Variants in FLRT2 observed in about 807,000 individuals in gnomAD.
FLRT2 encodes leucine-rich repeat transmembrane protein FLRT2.
In FLRT2, 15 loss-of-function variants were observed where a neutral mutation model predicts 40.0. The observed-to-expected ratio is 0.38, with a 90% CI of 0.25 to 0.58. The LOEUF is 0.58. FLRT2 is among the 20% of genes least tolerant of loss of function. FLRT2 has a pLI of 0.71. For synonymous variants in FLRT2, 380 were observed against 336.8 expected, an observed-to-expected ratio of 1.13 and a Z score of -1.41; for missense variants, 726 against 840.0, an observed-to-expected ratio of 0.86 and a Z score of 1.68.
chr14:85,562,390 C>T (rs919742722), intron 1 of FLRT2, among the ~76,000 whole-genome samples: 9 of 152,138 alleles, frequency 5.9e-5, no homozygotes, highest in East Asian at 1.9e-4. Context: ...CAAGAAGACC[C>T]GTGTTTCAAT....
At chr14:85,586,570 A>C (rs943820013) in intron 1 of FLRT2, among the ~76,000 whole-genome samples, 7 of 152,144 alleles carry the variant, frequency 4.6e-5, no homozygotes, top group Non-Finnish European at 1.0e-4. Context: ...GAATACTTAC[A>C]ATTGATGCTT....
At position 85,623,055 on chromosome 14, in the gene FLRT2, C is replaced by T; in HGVS notation, c.1541C>T (p.Thr514Ile). ...VEDTICSEAT[T>I]HASYLNNGSN... Reference sequence around the variant, plus strand: ...GACACCATTTGTTCAGAGGCCACCACCCATGCCTCCTATCTGAACAACGGC... The same window carrying T: ...GACACCATTTGTTCAGAGGCCACCATCCATGCCTCCTATCTGAACAACGGC... Residue 514 changes from threonine to isoleucine, a missense_variant, in exon 2 of 2, where the codon ACC becomes ATC. Transcript: ENST00000330753. The T allele has an allele frequency of 6.2e-7, 1 of 1,614,194 alleles. No individual in the cohort carries two copies. The highest frequency in any genetic ancestry group is 8.5e-7 in the Non-Finnish European group (1 of 1,180,042).
chr14:85,580,172 G>C (rs2139874059), intron 1 of FLRT2, among the ~76,000 whole-genome samples: 1 of 152,190 alleles, frequency 6.6e-6, no homozygotes, highest in African/African-American at 2.4e-5. Flanking sequence ...GGAATCAATA[G>C]AATGTCAAGA....
chr14:85,623,519 C>G lies in FLRT2; in HGVS notation c.*22C>G. The G allele has an allele frequency of 7.1e-7, 1 of 1,414,692 alleles. No homozygotes were observed. Among genetic ancestry groups the G allele is most frequent in the Non-Finnish European group, 9.2e-7 (1 of 1,081,464 alleles). 87.6% of individuals were successfully genotyped at this position (1,414,692 alleles called of 1,614,324 possible). A position where few individuals can be genotyped will look rare whatever the true frequency, so the allele number is the denominator to read the frequency against. ...GTGACAGCCAGAGGCCCAGCGTTATCAAGGCGGACAATTAGACTCTTGAGA... is the reference window on the plus strand; with the variant it reads ...GTGACAGCCAGAGGCCCAGCGTTATGAAGGCGGACAATTAGACTCTTGAGA... On this transcript the variant is annotated 3_prime_UTR_variant, in exon 2 of 2. Coordinates refer to ENST00000330753, the MANE Select transcript of FLRT2 (RefSeq NM_013231.6).
intron 1 of FLRT2, among the ~76,000 whole-genome samples, chr14:85,591,012 T>C (rs962126334): frequency 7.4e-6 from 1 of 135,820 alleles, no homozygotes; most frequent in Non-Finnish European, 1.6e-5. Context: ...CACTAAATCA[T>C]TTGTATTTCT....
intron 1 of FLRT2, among the ~76,000 whole-genome samples, chr14:85,561,574 C>T (rs945526826): frequency 2.6e-5 from 4 of 152,144 alleles, no homozygotes; most frequent in Admixed American, 6.5e-5. Flanking sequence ...CTAGAACACT[C>T]ACAGCACCCT....
chr14:85,601,638 A>G (rs754469728), intron 1 of FLRT2, among the ~76,000 whole-genome samples: 7 of 152,198 alleles, frequency 4.6e-5, no homozygotes, highest in Non-Finnish European at 1.0e-4. Flanking sequence ...AGCTTGAGCA[A>G]AGTCCTGCTA....
intron 1 of FLRT2, among the ~76,000 whole-genome samples, chr14:85,550,771 T>C (rs1183181594): frequency 6.6e-6 from 1 of 152,212 alleles, no homozygotes; most frequent in African/African-American, 2.4e-5. Flanking sequence ...TTAGAACTTA[T>C]ATTTGATTAT....
intron 1 of FLRT2, among the ~76,000 whole-genome samples, chr14:85,561,645 C>T (rs748281987): frequency 3.4e-4 from 52 of 152,166 alleles, no homozygotes; most frequent in Non-Finnish European, 6.2e-4. Flanking sequence ...ATTCTCCCTC[C>T]GTTATTACAG....
At chr14:85,614,267 T>C (rs1427391772) in intron 1 of FLRT2, among the ~76,000 whole-genome samples, 1 of 152,186 alleles carries the variant, frequency 6.6e-6, no homozygotes, top group African/African-American at 2.4e-5. Flanking sequence ...TCTACCTCTC[T>C]TAAACCAGTT....
At position 85,533,200 on chromosome 14, in the gene FLRT2, A is replaced by AGAGCGCGAGGGACGGAGGGAGAGGAG. The variant is rs1397283594; in HGVS notation, c.-377+2674_-377+2699dup. Among the ~76,000 whole-genome samples the AGAGCGCGAGGGACGGAGGGAGAGGAG allele has an allele frequency of 3.2e-4, 48 of 151,756 alleles. 1 individual carries two copies. Among genetic ancestry groups the AGAGCGCGAGGGACGGAGGGAGAGGAG allele is most frequent in the Admixed American group, 3.1e-3 (48 of 15,264 alleles). On this transcript the variant is annotated intron_variant, in intron 1 of 1. Coordinates refer to ENST00000330753, the MANE Select transcript of FLRT2 (RefSeq NM_013231.6). ...GAGGGCTCCAGGAGCGGAGCGCGCC[A>AGAGCGCGAGGGACGGAGGGAGAGGAG]GAGCGCGAGGGACGGAGGGAGAGGA... is the stretch of plus-strand genomic sequence containing the variant.
chr14:85,570,371 A>T (rs1890831220), intron 1 of FLRT2, among the ~76,000 whole-genome samples: 1 of 152,144 alleles, frequency 6.6e-6, no homozygotes. Context: ...TTACTTTCTT[A>T]CCTTAATCTG....
At chr14:85,557,686 A>T (rs1890054145) in intron 1 of FLRT2, among the ~76,000 whole-genome samples, 1 of 152,000 alleles carries the variant, frequency 6.6e-6, no homozygotes, top group Non-Finnish European at 1.5e-5. Context: ...GTGTGGTGGC[A>T]TGTGCCTGTA....
intron 1 of FLRT2, among the ~76,000 whole-genome samples, chr14:85,580,342 T>C (rs958286275): frequency 1.3e-5 from 2 of 152,140 alleles, no homozygotes; most frequent in Admixed American, 1.3e-4. Flanking sequence ...GTTTTTCCTT[T>C]TTAATGGGAT....
At chr14:85,535,734 T>C (rs1888606564) in intron 1 of FLRT2, among the ~76,000 whole-genome samples, 1 of 152,132 alleles carries the variant, frequency 6.6e-6, no homozygotes, top group Non-Finnish European at 1.5e-5. Flanking sequence ...CATACTGTCA[T>C]GTTGAGTTGC....
chr14:85,592,952 A>G (rs1437300201), intron 1 of FLRT2, among the ~76,000 whole-genome samples: 1 of 152,160 alleles, frequency 6.6e-6, no homozygotes, highest in Admixed American at 6.5e-5. Context: ...GTCATTCTAT[A>G]ATATTTTCAA....
chr14:85,552,785 T>G (rs1284109137), intron 1 of FLRT2: 1 of 152,182 alleles, frequency 6.6e-6, no homozygotes, highest in East Asian at 1.9e-4. Context: ...GAGGGCTGAT[T>G]ATGGCGCCTT....
intron 1 of FLRT2, among the ~76,000 whole-genome samples, chr14:85,552,223 G>C (rs968946833): frequency 3.9e-5 from 6 of 152,120 alleles, no homozygotes; most frequent in African/African-American, 1.4e-4. Context: ...TTGTCTTAGT[G>C]GTTAGAATTT....
intron 1 of FLRT2, among the ~76,000 whole-genome samples, chr14:85,620,600 A>G (rs1336951157): frequency 6.6e-6 from 1 of 152,234 alleles, no homozygotes; most frequent in Non-Finnish European, 1.5e-5. Flanking sequence ...ATTTGGAAAT[A>G]TAATACATTT....
Sources: gnomAD v4.1 joint callset for allele counts (sites outside exome capture counted in the v4.1 genomes callset) on GRCh38, gnomAD v4.1.1 for gene constraint, MANE v1.5 for transcripts, NCBI Gene and HGNC (gene_info 2026-07-23, HGNC 2026-07-21) for gene names.